Variants in NEK10 observed in about 807,000 individuals in gnomAD.
NEK10 encodes NIMA related kinase 10.
A neutral mutation model predicts 159.8 loss-of-function variants in NEK10; 122 were observed. That is an observed-to-expected ratio of 0.76 (90% CI 0.66 to 0.89). NEK10 has a LOEUF of 0.89. Among genes scored for constraint, NEK10 ranks in the 40% least tolerant of loss-of-function variants. The pLI is 0.00. For missense variants in NEK10, 1,342 were observed against 1,323.1 expected, an observed-to-expected ratio of 1.01 and a Z score of -0.22; for synonymous variants, 466 against 457.1, an observed-to-expected ratio of 1.02 and a Z score of -0.25.
intron 23 of NEK10, chr3:27,215,024 T>A (rs946780681): frequency 3.3e-6 from 2 of 610,114 alleles, no homozygotes; most frequent in African/African-American, 3.7e-5. Context: ...TCCGACCTGT[T>A]CCCCACCGGC....
At chr3:27,170,909 GT>G (rs1390801165) in intron 29 of NEK10, among the ~76,000 whole-genome samples, 15 of 152,086 alleles carry the variant, frequency 9.9e-5, no homozygotes, top group African/African-American at 3.6e-4. Context: ...TATACTGTCA[GT>G]TATCTCTTTT....
At chr3:27,365,588 G>T (rs904903235) in intron 1 of NEK10, among the ~76,000 whole-genome samples, 331 of 116,308 alleles carry the variant, frequency 2.8e-3, no homozygotes, top group Non-Finnish European at 4.9e-3. Flanking sequence ...TTTTGTTTTG[G>T]TTTTTTGTGT....
At chr3:27,160,488 C>G (rs1171564612) in intron 30 of NEK10, among the ~76,000 whole-genome samples, 3 of 152,152 alleles carry the variant, frequency 2.0e-5, no homozygotes, top group Non-Finnish European at 4.4e-5. Flanking sequence ...ATAAAGTTCT[C>G]ATTTTCTGAC....
At chr3:27,243,830 G>GGTGT (rs56720203) in intron 23 of NEK10, among the ~76,000 whole-genome samples, 1,777 of 148,364 alleles carry the variant, frequency 0.012, 9 homozygotes, top group South Asian at 0.023. Flanking sequence ...TGACACCATG[G>GGTGT]GTGTGTGTGT....
chr3:27,231,301 G>T (rs767349627), intron 23 of NEK10, among the ~76,000 whole-genome samples: 27 of 151,462 alleles, frequency 1.8e-4, no homozygotes, highest in Non-Finnish European at 3.5e-4. Flanking sequence ...TGAAATGAAT[G>T]ATAACAGTGA....
intron 22 of NEK10, among the ~76,000 whole-genome samples, chr3:27,258,543 T>G (rs950030839): frequency 6.6e-6 from 1 of 152,178 alleles, no homozygotes; most frequent in Non-Finnish European, 1.5e-5. Flanking sequence ...TCCAAAGACA[T>G]GAATTCATCA....
chr3:27,277,231 G>T (rs1223079246), intron 22 of NEK10, among the ~76,000 whole-genome samples: 3 of 146,084 alleles, frequency 2.1e-5, no homozygotes, highest in Non-Finnish European at 4.5e-5. Context: ...TGGAAAGAAA[G>T]GACAGAAAGG....
At chr3:27,174,882 T>C (rs751762777) in intron 26 of NEK10, 49 bp from the exon 27 acceptor site, 20 of 1,442,024 alleles carry the variant, frequency 1.4e-5, no homozygotes, top group Non-Finnish European at 1.9e-5. Context: ...TATCCTTCCT[T>C]CTATAGGACC....
At chr3:27,318,443 A>G (rs992775218) in intron 6 of NEK10, among the ~76,000 whole-genome samples, 2 of 152,168 alleles carry the variant, frequency 1.3e-5, no homozygotes, top group African/African-American at 4.8e-5. Context: ...ATTACTGAGA[A>G]CCTCAAAGAG....
At chr3:27,252,364 A>C (rs1955756238) in intron 23 of NEK10, 1 of 296,600 alleles carries the variant, frequency 3.4e-6, no homozygotes, top group African/African-American at 2.2e-5. Flanking sequence ...CTCTGAAGGA[A>C]GAGTATTCCA....
At chr3:27,176,492 C>T (rs1429758250) in intron 26 of NEK10, among the ~76,000 whole-genome samples, 1 of 152,176 alleles carries the variant, frequency 6.6e-6, no homozygotes. Context: ...GCTTCTAAGT[C>T]CAGCCTCAGC....
chr3:27,349,914 A>C (rs2047844666), intron 3 of NEK10, among the ~76,000 whole-genome samples: 1 of 152,146 alleles, frequency 6.6e-6, no homozygotes, highest in Non-Finnish European at 1.5e-5. Context: ...AGACTGTCCT[A>C]GAGATATGCA....
chr3:27,176,477 A>G (rs1191511163), intron 26 of NEK10, among the ~76,000 whole-genome samples: 1 of 152,214 alleles, frequency 6.6e-6, no homozygotes, highest in East Asian at 1.9e-4. Flanking sequence ...TAAGGCTAGT[A>G]TCGGGCTTCT....
chr3:27,351,679 C>A (rs1478140706), intron 3 of NEK10, among the ~76,000 whole-genome samples: 3 of 152,042 alleles, frequency 2.0e-5, no homozygotes, highest in Non-Finnish European at 4.4e-5. Flanking sequence ...ACTGTCAGGG[C>A]TGGATTACCA....
At chr3:27,131,471 T>A (rs1007044088) in intron 32 of NEK10, among the ~76,000 whole-genome samples, 7 of 152,158 alleles carry the variant, frequency 4.6e-5, no homozygotes, top group Non-Finnish European at 8.8e-5. Context: ...TAGAAATAGT[T>A]CAGTCAGCTT....
rs773035925 is a variant in NEK10 at position 27,346,196 on chromosome 3, A to G, written c.153T>C (p.Asp51=). The part of the protein sequence containing the change: ...SKQQLPAINF[D]SAQNSMTKSE... Reference sequence around the variant, plus strand: ...ACTTCGTCATGCTATTTTGGGCACTATCGAAGTTAATGGCTGGAAGCTACA... The same window carrying G: ...ACTTCGTCATGCTATTTTGGGCACTGTCGAAGTTAATGGCTGGAAGCTACA... Residue 51 remains aspartate, a synonymous_variant, in exon 4 of 36, where the codon GAT becomes GAC. Coordinates refer to ENST00000691995, the MANE Select transcript of NEK10 (RefSeq NM_001394966.1). 5 of 1,613,696 alleles carry G rather than the reference A, an allele frequency of 3.1e-6. No homozygotes were observed. The highest frequency in any genetic ancestry group is 2.5e-6 in the Non-Finnish European group (3 of 1,179,654).
chr3:27,292,753 G>A lies in NEK10; in HGVS notation c.1373+835C>T, dbSNP rs1481722059. 3.4e-5 allele frequency among the ~76,000 whole-genome samples: 5 copies of A among 145,050 alleles called. No homozygotes were observed. In the East Asian group the frequency reaches 9.9e-4, roughly 29 times the overall value. Reference sequence around the variant, plus strand: ...GGAGGCTGAGGCAGGAGAAGCAACAGGATGAGCCTTTGTCAAAAAAAAAAA... The same window carrying A: ...GGAGGCTGAGGCAGGAGAAGCAACAAGATGAGCCTTTGTCAAAAAAAAAAA... On this transcript the variant is annotated intron_variant, in intron 16 of 35. Coordinates refer to ENST00000691995, the MANE Select transcript of NEK10 (RefSeq NM_001394966.1).
chr3:27,239,861 G>A (rs1954357020), intron 23 of NEK10, among the ~76,000 whole-genome samples: 1 of 152,056 alleles, frequency 6.6e-6, no homozygotes, highest in Non-Finnish European at 1.5e-5. Flanking sequence ...TTATATGTAG[G>A]AACACTAGAT....
chr3:27,270,138 GGTT>G (rs1312872672), intron 22 of NEK10, among the ~76,000 whole-genome samples: 2 of 152,134 alleles, frequency 1.3e-5, no homozygotes, highest in Admixed American at 1.3e-4. Flanking sequence ...TCCAAGGTTC[GGTT>G]ATAAAGAAAC....
Sources: gnomAD v4.1 joint callset for allele counts (sites outside exome capture counted in the v4.1 genomes callset) on GRCh38, gnomAD v4.1.1 for gene constraint, MANE v1.5 for transcripts, NCBI Gene and HGNC (gene_info 2026-07-23, HGNC 2026-07-21) for gene names.